Variants in CHRM5 observed in about 807,000 individuals in gnomAD.
The protein encoded by CHRM5 is muscarinic acetylcholine receptor M5.
CHRM5 carries 18 observed loss-of-function variants against 39.0 expected under a neutral mutation model. The ratio of observed to expected loss-of-function variants is 0.46; its 90% CI spans 0.32 to 0.68. CHRM5 has a LOEUF of 0.68. CHRM5 is among the 30% of genes least tolerant of loss of function. The probability of loss-of-function intolerance (pLI) is 0.04; values close to 1 mark genes in which losing one functional copy is unlikely to be tolerated. For missense variants in CHRM5, 515 were observed against 651.1 expected (o/e 0.79, Z 2.28); for synonymous variants, 241 against 246.3 (o/e 0.98, Z 0.20).
At chr15:34,036,700 A>G (rs1392544207) in intron 1 of CHRM5, among the ~76,000 whole-genome samples, 1 of 152,232 alleles carries the variant, frequency 6.6e-6, no homozygotes, top group Non-Finnish European at 1.5e-5. Context: ...AAACATGATG[A>G]TGAAGGGATA....
chr15:34,017,580 A>G (rs1297579446), intron 1 of CHRM5, among the ~76,000 whole-genome samples: 1 of 149,246 alleles, frequency 6.7e-6, no homozygotes, highest in African/African-American at 2.5e-5. Flanking sequence ...TCCCAGTTCA[A>G]GCAATTCTCC....
At chr15:33,972,806 T>C (rs1360794727) in intron 1 of CHRM5, among the ~76,000 whole-genome samples, 6 of 152,164 alleles carry the variant, frequency 3.9e-5, no homozygotes, top group Non-Finnish European at 8.8e-5. Flanking sequence ...CTTTGATTAG[T>C]GGCAATACCC....
rs921482529 is a variant in CHRM5, at chr15:33,996,862, G to A, written c.-408+27712G>A. On this transcript the variant is annotated intron_variant, in intron 1 of 2. Transcript: ENST00000383263. ...AAGCTGGATGGAGAATGACTTTGAT[G>A]AGCTGACAGAAGTAGGCTTCGGAAG... Among the ~76,000 whole-genome samples, 5 of 152,340 alleles carry A rather than the reference G, an allele frequency of 3.3e-5. No homozygotes were observed. In the South Asian group the frequency reaches 8.3e-4, roughly 25 times the overall value.
rs568555472 is a variant in CHRM5 at position 33,989,450 on chromosome 15, T to TAAA, written c.-408+20312_-408+20314dup. Among the ~76,000 whole-genome samples the TAAA allele has an allele frequency of 1.3e-4, 19 of 142,504 alleles. No individual in the cohort carries two copies. In the East Asian group the frequency reaches 3.6e-3, roughly 27 times the overall value. The allele number at this position is 142,504 out of a possible 152,430, so 93.5% of individuals were successfully genotyped here. A position where few individuals can be genotyped will look rare whatever the true frequency, so the allele number is the denominator to read the frequency against. ...CTAACAGCTGGTTTTGTTTGGAGTT[T>TAAA]AAAAAAAAAAAAAAGGTTCTAAGAC... On this transcript the variant is annotated intron_variant, in intron 1 of 2. Coordinates refer to ENST00000383263, the MANE Select transcript of CHRM5 (RefSeq NM_012125.4).
intron 1 of CHRM5, among the ~76,000 whole-genome samples, chr15:34,025,264 G>A (rs774441549): frequency 4.0e-4 from 61 of 152,158 alleles, no homozygotes; most frequent in Non-Finnish European, 6.9e-4. Context: ...TAGAGTTTTG[G>A]TTGCAAACTA....
intron 1 of CHRM5, among the ~76,000 whole-genome samples, chr15:34,024,257 A>G (rs1269956191): frequency 6.6e-6 from 1 of 152,196 alleles, no homozygotes; most frequent in Non-Finnish European, 1.5e-5. Context: ...TTATAATGCT[A>G]TTATAAATAC....
chr15:34,053,319 A>AAATATATATATAT (rs775436850), intron 2 of CHRM5, among the ~76,000 whole-genome samples: 7 of 42,066 alleles, frequency 1.7e-4, no homozygotes, highest in African/African-American at 5.6e-4. Flanking sequence ...AAAAAAAAAA[A>AAATATATATATAT]ATATATATAT....
intron 1 of CHRM5, among the ~76,000 whole-genome samples, chr15:34,042,950 TCTAAGA>T (rs1233568946): frequency 6.6e-6 from 1 of 151,956 alleles, no homozygotes; most frequent in East Asian, 1.9e-4. Flanking sequence ...TAATTCCTAG[TCTAAGA>T]CTATGGATTG....
At chr15:34,026,008 G>C (rs1290935982) in intron 1 of CHRM5, among the ~76,000 whole-genome samples, 2 of 151,970 alleles carry the variant, frequency 1.3e-5, no homozygotes, top group East Asian at 1.9e-4. Context: ...TTTCAAATTG[G>C]AATATATCTA....
chr15:33,969,773 A>G (rs1895549566), intron 1 of CHRM5, among the ~76,000 whole-genome samples: 1 of 152,108 alleles, frequency 6.6e-6, no homozygotes, highest in Non-Finnish European at 1.5e-5. Flanking sequence ...CAACAAGAGG[A>G]TAAAAAGATG....
intron 1 of CHRM5, among the ~76,000 whole-genome samples, chr15:34,023,862 GT>G (rs1163690456): frequency 1.3e-5 from 2 of 152,168 alleles, no homozygotes; most frequent in Non-Finnish European, 2.9e-5. Flanking sequence ...CAGATGCCAC[GT>G]TTTTGGCCAG....
intron 1 of CHRM5, among the ~76,000 whole-genome samples, chr15:34,004,186 T>TA (rs1897243336): frequency 1.3e-5 from 2 of 152,356 alleles, no homozygotes; most frequent in East Asian, 1.9e-4. Flanking sequence ...AGCTTGGGTA[T>TA]AAAAAAGTTC....
At chr15:33,986,102 T>C (rs1567449819) in intron 1 of CHRM5, among the ~76,000 whole-genome samples, 143 of 2,790 alleles carry the variant, frequency 0.051, 2 homozygotes, top group East Asian at 0.4. Flanking sequence ...ATTTTTTTTT[T>C]TGTTTTTTGT....
chr15:34,044,499 A>T (rs1567486375), intron 1 of CHRM5, among the ~76,000 whole-genome samples: 1 of 152,232 alleles, frequency 6.6e-6, no homozygotes, highest in Non-Finnish European at 1.5e-5. Flanking sequence ...GCAACAGTCA[A>T]GGGCTTCTGT....
intron 1 of CHRM5, among the ~76,000 whole-genome samples, chr15:34,036,629 C>G (rs920347041): frequency 1.3e-5 from 2 of 152,248 alleles, no homozygotes; most frequent in African/African-American, 2.4e-5. Context: ...TTAGAGATGA[C>G]CAATCCAAAC....
At position 34,038,649 on chromosome 15, in the gene CHRM5, C is replaced by CGCGCAG. The variant is rs555781217; in HGVS notation, c.-407-7886_-407-7881dup. 350 of 845,566 alleles carry CGCGCAG rather than the reference C, an allele frequency of 4.1e-4. 9 individuals carry two copies. The South Asian group carries it at 0.017, about 40-fold the overall frequency. The allele number at this position is 845,566 out of a possible 1,614,324, so 52.4% of individuals were successfully genotyped here. Reference sequence around the variant, plus strand: ...CCCCCGCGCCACCATCCGCCCGTCCCGCGCAGGCGCCGGCGCCGCCGCCCG... The same window carrying CGCGCAG: ...CCCCCGCGCCACCATCCGCCCGTCCCGCGCAGGCGCAGGCGCCGGCGCCGCCGCCCG... On this transcript the variant is annotated intron_variant, in intron 1 of 2. Coordinates refer to ENST00000383263, the MANE Select transcript of CHRM5 (RefSeq NM_012125.4).
chr15:34,055,825 AAAAT>A (rs1046487985), intron 2 of CHRM5, among the ~76,000 whole-genome samples: 1 of 152,202 alleles, frequency 6.6e-6, no homozygotes, highest in African/African-American at 2.4e-5. Flanking sequence ...TAAATAAATA[AAAAT>A]AAACAAATAA....
chr15:34,003,529 T>G (rs1273066206), intron 1 of CHRM5, among the ~76,000 whole-genome samples: 1 of 152,224 alleles, frequency 6.6e-6, no homozygotes, highest in African/African-American at 2.4e-5. Flanking sequence ...GTAAGCATCT[T>G]AAACTCAAAG....
At chr15:33,979,019 T>C (rs2140517823) in intron 1 of CHRM5, among the ~76,000 whole-genome samples, 1 of 152,138 alleles carries the variant, frequency 6.6e-6, no homozygotes, top group South Asian at 2.1e-4. Context: ...ATGCTCCAGG[T>C]TTCTTTTTCA....
Sources: allele counts gnomAD v4.1 joint callset (sites outside exome capture counted in the v4.1 genomes callset), GRCh38; gene constraint gnomAD v4.1.1; transcripts MANE v1.5; gene names NCBI Gene and HGNC (gene_info 2026-07-23, HGNC 2026-07-21).